The following SLC17A7 variants were observed in gnomAD, a reference collection of about 807,000 sequenced individuals.
SLC17A7 encodes the protein vesicular glutamate transporter 1.
A neutral mutation model predicts 59.1 loss-of-function variants in SLC17A7; 15 were observed. That is an observed-to-expected ratio of 0.25 (90% CI 0.17 to 0.39). SLC17A7 has a LOEUF of 0.39. SLC17A7 is among the 10% of genes least tolerant of loss of function. The pLI is 1.00. For missense variants in SLC17A7, 499 were observed against 765.1 expected, an observed-to-expected ratio of 0.65 and a Z score of 4.10; for synonymous variants, 353 against 308.9, an observed-to-expected ratio of 1.14 and a Z score of -1.50.
At chr19:49,434,083 C>T in intron 5 of SLC17A7, 37 bp from the exon 6 acceptor site, 1 of 1,390,566 alleles carries the variant, frequency 7.2e-7, no homozygotes, top group Non-Finnish European at 1.0e-6. Context: ...ACAGGCCCAT[C>T]TTCCCTCAGA....
At chr19:49,434,090 C>T in intron 5 of SLC17A7, 44 bp from the exon 6 acceptor site, 1 of 1,326,268 alleles carries the variant, frequency 7.5e-7, no homozygotes. Context: ...CATCTTCCCT[C>T]AGATCAAGGA....
chr19:49,430,605 C>T lies in SLC17A7; in HGVS notation c.1597G>A (p.Ala533Thr). 6.2e-7 allele frequency: 1 copy of T among 1,612,906 alleles called. No individual in the cohort carries two copies. Among genetic ancestry groups the T allele is most frequent in the East Asian group, 2.2e-5 (1 of 44,870 alleles). ...TAGGAGGGCGGGGGTGCAGGGGGTG[C>T]CCCCGGGGGCTCAGCCTCATCCTCC... ...EMEDEAEPPG[A>T]PPAPPPSYGA... is the part of the protein sequence containing the mutation. The change falls in exon 12 of 12, where the codon GCA becomes ACA. Residue 533 changes from alanine (A) to threonine (T), a missense_variant. Coordinates refer to ENST00000221485, the MANE Select transcript of SLC17A7 (RefSeq NM_020309.4).
intron 5 of SLC17A7, 67 bp downstream of exon 5, chr19:49,434,535 A>T (rs1463722698): frequency 1.5e-6 from 2 of 1,343,732 alleles, no homozygotes; most frequent in Non-Finnish European, 2.1e-6. Flanking sequence ...CCCCGCTCAG[A>T]CCCAACAGTC....
In SLC17A7 at chr19:49,431,393, G is replaced by A; in HGVS notation, c.1206C>T (p.Gly402=). The A allele has an allele frequency of 6.2e-7, 1 of 1,614,166 alleles. No individual in the cohort carries two copies. ...CTAGGACCAGGAAGGAGATGGCCAC[G>A]CCCTTGGAGTGCGAGTAGCCGACCA... ...LLVVGYSHSK[G]VAISFLVLAV... is the part of the protein sequence containing the mutation. Residue 402 remains glycine (G), a synonymous_variant, in exon 10 of 12, where the codon GGC becomes GGT. Coordinates refer to ENST00000221485, the MANE Select transcript of SLC17A7 (RefSeq NM_020309.4). This position sits in a 1 kb window ranked among gnomAD's most constrained non-coding sequence, Gnocchi z 4.6.
Position 49,431,930 on chromosome 19 carries a change from T to A in SLC17A7, c.1151-482A>T, listed in dbSNP as rs1288640299. 6.6e-6 allele frequency among the ~76,000 whole-genome samples: 1 copy of A among 152,136 alleles called. No individual in the cohort carries two copies. Among genetic ancestry groups the A allele is most frequent in the African/African-American group, 2.4e-5 (1 of 41,424 alleles). ...CTGGGATAACAGGGGTTAGCCACCA[T>A]GCCCTGCCTGTTTTTTAATTTTTAA... is the stretch of plus-strand genomic sequence containing the variant. On this transcript the variant is annotated intron_variant, in intron 9 of 11. Coordinates refer to ENST00000221485, the MANE Select transcript of SLC17A7 (RefSeq NM_020309.4). This position sits in a 1 kb window ranked among gnomAD's most constrained non-coding sequence, Gnocchi z 4.6.
rs1157671072 is a variant in SLC17A7, at chr19:49,436,405, C to T, written c.315+144G>A. 1.8e-6 allele frequency: 2 copies of T among 1,110,448 alleles called. No homozygotes were observed. Among genetic ancestry groups the T allele is most frequent in the African/African-American group, 1.6e-5 (1 of 64,296 alleles). The allele number at this position is 1,110,448 out of a possible 1,614,324, so 68.8% of individuals were successfully genotyped here. Reference sequence around the variant, plus strand: ...CTAAGGCGAGGTCAGAACTAAGGGGCGCACGGATTGGGCGGAGCTATTCCG... The same window carrying T: ...CTAAGGCGAGGTCAGAACTAAGGGGTGCACGGATTGGGCGGAGCTATTCCG... On this transcript the variant is annotated intron_variant, in intron 2 of 11. Coordinates refer to ENST00000221485, the MANE Select transcript of SLC17A7 (RefSeq NM_020309.4). This position sits in a 1 kb window ranked among gnomAD's most constrained non-coding sequence, Gnocchi z 4.1.
At position 49,441,494 on chromosome 19, in the gene SLC17A7, C is replaced by G. The variant is rs2079000017; in HGVS notation, c.-115G>C. On this transcript the variant is annotated 5_prime_UTR_variant, in exon 1 of 12. Transcript: ENST00000221485. ...GGTCCAGCCCCGGCCCGGCCGGCCC[C>G]GCAGCTCCGCTCGGGGGGAAGGAGG... 4 of 1,076,530 alleles carry G rather than the reference C, an allele frequency of 3.7e-6. No individual in the cohort carries two copies. Among genetic ancestry groups the G allele is most frequent in the Non-Finnish European group, 4.5e-6 (4 of 891,578 alleles). 66.7% of individuals were successfully genotyped at this position (1,076,530 alleles called of 1,614,324 possible). A position where few individuals can be genotyped will look rare whatever the true frequency, so the allele number is the denominator to read the frequency against.
Position 49,431,452 on chromosome 19 carries a change from CG to C in SLC17A7, c.1151-5del, listed in dbSNP as rs994144167. On this transcript the variant is annotated splice_region_variant and splice_polypyrimidine_tract_variant and intron_variant, in intron 9 of 11. Transcript: ENST00000221485. The surrounding 1 kb of genome is among the most constrained non-coding windows in gnomAD (Gnocchi z 4.6). Reference sequence around the variant, plus strand: ...AGCGTGGCTTCCATGCCGAAGCCTACGGGGGCGGGGGGGGCCCGCGTCTCCT... The same window carrying C: ...AGCGTGGCTTCCATGCCGAAGCCTACGGGGCGGGGGGGGCCCGCGTCTCCT... The C allele has an allele frequency of 7.5e-6, 12 of 1,610,302 alleles. No homozygotes were observed. The African/African-American group carries it at 1.5e-4, about 20-fold the overall frequency.
In SLC17A7 at chr19:49,432,691, C is replaced by A. The variant is rs754127454; in HGVS notation, c.1018-40G>T. On this transcript the variant is annotated intron_variant, in intron 8 of 11. Coordinates refer to ENST00000221485, the MANE Select transcript of SLC17A7 (RefSeq NM_020309.4). ...GTACAGGGACACTAGGGTTCGGGGC[C>A]GCCGGCTCGGCGTCTCTGCCCGGTC... 13 of 1,605,252 alleles carry A rather than the reference C, an allele frequency of 8.1e-6. No homozygotes were observed. The Admixed American group carries it at 1.5e-4, about 19-fold the overall frequency.
intron 1 of SLC17A7, among the ~76,000 whole-genome samples, chr19:49,438,890 C>T (rs1005392248): frequency 1.3e-5 from 2 of 152,092 alleles, no homozygotes; most frequent in African/African-American, 4.8e-5. Context: ...CAGGGGGTCT[C>T]AGTATCCCAC....
In SLC17A7 at chr19:49,436,437, T is replaced by C. The variant is rs1031249830; in HGVS notation, c.315+112A>G. 2.8e-6 allele frequency: 4 copies of C among 1,413,286 alleles called. No homozygotes were observed. Among genetic ancestry groups the C allele is most frequent in the Non-Finnish European group, 3.8e-6 (4 of 1,041,834 alleles). 87.5% of individuals were successfully genotyped at this position (1,413,286 alleles called of 1,614,324 possible). A position where few individuals can be genotyped will look rare whatever the true frequency, so the allele number is the denominator to read the frequency against. On this transcript the variant is annotated intron_variant, in intron 2 of 11. Transcript: ENST00000221485. The surrounding 1 kb of genome is among the most constrained non-coding windows in gnomAD (Gnocchi z 4.1). ...ATTGGGCGGAGCTATTCCGACAGCG[T>C]TTCGGAAGGGGCGTGGCCTGGACGT...
At position 49,432,767 on chromosome 19, in the gene SLC17A7, G is replaced by T. The variant is rs761578221; in HGVS notation, c.1017+44C>A. 4 of 1,432,286 alleles carry T rather than the reference G, an allele frequency of 2.8e-6. No individual in the cohort carries two copies. The East Asian group carries it at 7.0e-5, about 25-fold the overall frequency. The allele number at this position is 1,432,286 out of a possible 1,614,324, so 88.7% of individuals were successfully genotyped here. On this transcript the variant is annotated intron_variant, in intron 8 of 11. Coordinates refer to ENST00000221485, the MANE Select transcript of SLC17A7 (RefSeq NM_020309.4). ...TCGGGATCGCCGCCAGTTCCCTCCC[G>T]CCGACCCCTCCGCGCCCCCCTGCCC...
In SLC17A7 at chr19:49,431,288, C is replaced by A; in HGVS notation, c.1261+50G>T. ...GGCCCCGTTCCTGAGCCAGGAAGTTCCCTACAGAGCTGACCAGAGTCCCCC... is the reference window on the plus strand; with the variant it reads ...GGCCCCGTTCCTGAGCCAGGAAGTTACCTACAGAGCTGACCAGAGTCCCCC... On this transcript the variant is annotated intron_variant, in intron 10 of 11. Coordinates refer to ENST00000221485, the MANE Select transcript of SLC17A7 (RefSeq NM_020309.4). The surrounding 1 kb of genome is among the most constrained non-coding windows in gnomAD (Gnocchi z 4.6). 2 of 1,597,002 alleles carry A rather than the reference C, an allele frequency of 1.3e-6. No homozygotes were observed. Among genetic ancestry groups the A allele is most frequent in the South Asian group, 2.2e-5 (2 of 90,010 alleles).
chr19:49,430,533 CAG>C lies in SLC17A7; in HGVS notation c.1667_1668del (p.Pro556ArgfsTer27). 1 of 1,577,736 alleles carries C rather than the reference CAG, an allele frequency of 6.3e-7. No individual in the cohort carries two copies. The highest frequency in any genetic ancestry group is 1.4e-5 in the African/African-American group (1 of 73,478). ...STFQPPRPPP[P>X]VRDY ...GAGGCACATGGTCAGTAGTCCCGGACAGGGGGTGGGGGCCTGGGGGGCTGAAA... is the reference window on the plus strand; with the variant it reads ...GAGGCACATGGTCAGTAGTCCCGGACGGGGTGGGGGCCTGGGGGGCTGAAA... On this transcript the variant is annotated frameshift_variant, in exon 12 of 12. Coordinates refer to ENST00000221485, the MANE Select transcript of SLC17A7 (RefSeq NM_020309.4). LOFTEE classifies it high-confidence loss of function.
chr19:49,432,420 C>T lies in SLC17A7; in HGVS notation c.1150+99G>A. On this transcript the variant is annotated intron_variant, in intron 9 of 11. Coordinates refer to ENST00000221485, the MANE Select transcript of SLC17A7 (RefSeq NM_020309.4). Reference sequence around the variant, plus strand: ...CATAGAAAGGGACTCCTGGGGCAGGCTGGATGGTTTCCGCCTGTAACCACT... The same window carrying T: ...CATAGAAAGGGACTCCTGGGGCAGGTTGGATGGTTTCCGCCTGTAACCACT... 6.9e-6 allele frequency: 10 copies of T among 1,459,596 alleles called. No homozygotes were observed. In the South Asian group the frequency reaches 1.4e-4, roughly 20 times the overall value. 90.4% of individuals were successfully genotyped at this position (1,459,596 alleles called of 1,614,324 possible). A position where few individuals can be genotyped will look rare whatever the true frequency, so the allele number is the denominator to read the frequency against.
chr19:49,434,967 C>T, intron 3 of SLC17A7, 85 bp from the exon 4 acceptor site: 1 of 1,360,402 alleles, frequency 7.4e-7, no homozygotes, highest in Admixed American at 1.7e-5. Context: ...AAGCTAGGCC[C>T]AGTGGTCCCC....
rs377461797 is a variant in SLC17A7 at position 49,431,456 on chromosome 19, G to A, written c.1151-8C>T. On this transcript the variant is annotated splice_region_variant and splice_polypyrimidine_tract_variant and intron_variant, in intron 9 of 11. Transcript: ENST00000221485. The surrounding 1 kb of genome is among the most constrained non-coding windows in gnomAD (Gnocchi z 4.6). ...TGGCTTCCATGCCGAAGCCTACGGGGGCGGGGGGGGCCCGCGTCTCCTGAG... is the reference window on the plus strand; with the variant it reads ...TGGCTTCCATGCCGAAGCCTACGGGAGCGGGGGGGGCCCGCGTCTCCTGAG... 2.3e-4 allele frequency: 368 copies of A among 1,611,782 alleles called. No homozygotes were observed. The highest frequency in any genetic ancestry group is 3.0e-4 in the Non-Finnish European group (356 of 1,178,882).
At chr19:49,434,537 C>T in intron 5 of SLC17A7, 65 bp downstream of exon 5, 3 of 1,490,352 alleles carry the variant, frequency 2.0e-6, no homozygotes, top group Non-Finnish European at 1.8e-6. Flanking sequence ...CCGCTCAGAC[C>T]CAACAGTCCA....
rs756038458 is a variant in SLC17A7, at chr19:49,433,943, G to A, written c.724+17C>T. 110 of 1,613,400 alleles carry A rather than the reference G, an allele frequency of 6.8e-5. No individual in the cohort carries two copies. In the South Asian group the frequency reaches 1.2e-3, roughly 17 times the overall value. Reference sequence around the variant, plus strand: ...CCGCCCCAGCGCCACCCGGAACCAGGCATCCGGGTCCCTCACCGTAGACGT... The same window carrying A: ...CCGCCCCAGCGCCACCCGGAACCAGACATCCGGGTCCCTCACCGTAGACGT... On this transcript the variant is annotated intron_variant, in intron 6 of 11. Transcript: ENST00000221485. This position sits in a 1 kb window ranked among gnomAD's most constrained non-coding sequence, Gnocchi z 5.7.
Sources: gnomAD v4.1 joint callset for allele counts (sites outside exome capture counted in the v4.1 genomes callset) on GRCh38, gnomAD v4.1.1 for gene constraint, Gnocchi (gnomAD v3.1) non-coding constraint, MANE v1.5 for transcripts, NCBI Gene and HGNC (gene_info 2026-07-23, HGNC 2026-07-21) for gene names.